Variants in SIM2 observed in about 807,000 individuals in gnomAD.
SIM2 encodes the protein SIM bHLH transcription factor 2.
A neutral mutation model predicts 64.8 loss-of-function variants in SIM2; 28 were observed. The ratio of observed to expected loss-of-function variants is 0.43; its 90% CI spans 0.32 to 0.59. The LOEUF is 0.59. Ranked by LOEUF, SIM2 falls within the 20% of genes least tolerant of loss-of-function variation. The pLI, the probability that SIM2 is intolerant of heterozygous loss-of-function variation, is 0.07. For missense variants in SIM2, 847 were observed against 871.4 expected (o/e 0.97, Z 0.35); for synonymous variants, 408 against 391.1 (o/e 1.04, Z -0.51).
intron 1 of SIM2, among the ~76,000 whole-genome samples, chr21:36,706,288 C>T (rs1819120550): frequency 6.6e-6 from 1 of 152,202 alleles, no homozygotes; most frequent in Non-Finnish European, 1.5e-5. Context: ...GCAACCTGGC[C>T]ATCCCTGACT....
intron 5 of SIM2, among the ~76,000 whole-genome samples, chr21:36,725,166 T>C (rs2088873414): frequency 6.6e-6 from 1 of 152,026 alleles, no homozygotes; most frequent in Admixed American, 6.6e-5. Context: ...GGCAACATAA[T>C]GAGACCTTGT....
Position 36,745,151 on chromosome 21 carries a change from C to T in SIM2, c.1576+15C>T. The T allele has an allele frequency of 6.2e-7, 1 of 1,601,788 alleles. No individual in the cohort carries two copies. On this transcript the variant is annotated intron_variant, in intron 10 of 10. Coordinates refer to ENST00000290399, the MANE Select transcript of SIM2 (RefSeq NM_005069.6). The surrounding 1 kb of genome is among the most constrained non-coding windows in gnomAD (Gnocchi z 4.8). Reference sequence around the variant, plus strand: ...AAGCTACGAAGGTGGGTCAGGTCTGCTCGTGGGGAAGGTGGGAGGACTGCG... The same window carrying T: ...AAGCTACGAAGGTGGGTCAGGTCTGTTCGTGGGGAAGGTGGGAGGACTGCG...
At chr21:36,733,413 C>A (rs574413788) in intron 7 of SIM2, among the ~76,000 whole-genome samples, 74 of 151,736 alleles carry the variant, frequency 4.9e-4, no homozygotes, top group African/African-American at 1.8e-3. Flanking sequence ...TTAATACAGA[C>A]AGGGTTTTGC....
intron 3 of SIM2, among the ~76,000 whole-genome samples, chr21:36,716,073 A>G (rs2088742876): frequency 6.6e-6 from 1 of 152,178 alleles, no homozygotes. Flanking sequence ...TGGTGGGCAC[A>G]CTCGCACACG....
At chr21:36,716,509 A>G (rs541628219) in intron 3 of SIM2, among the ~76,000 whole-genome samples, 1 of 152,232 alleles carries the variant, frequency 6.6e-6, no homozygotes, top group African/African-American at 2.4e-5. Flanking sequence ...AAGACAAAAG[A>G]CAACATAATT....
At chr21:36,733,609 G>C (rs561763328) in intron 7 of SIM2, among the ~76,000 whole-genome samples, 1 of 149,506 alleles carries the variant, frequency 6.7e-6, no homozygotes, top group Non-Finnish European at 1.5e-5. Flanking sequence ...ACCCAAGCTG[G>C]AGTGCAGTGG....
chr21:36,700,234 C>T (rs2088470810), intron 1 of SIM2, among the ~76,000 whole-genome samples: 1 of 151,848 alleles, frequency 6.6e-6, no homozygotes, highest in African/African-American at 2.4e-5. Flanking sequence ...TTCTTTCTCC[C>T]TTTCCTCCTT....
chr21:36,722,917 G>A (rs2088842869), intron 4 of SIM2, 128 bp from the exon 5 acceptor site: 16 of 734,964 alleles, frequency 2.2e-5, no homozygotes, highest in Admixed American at 3.8e-5. Flanking sequence ...TCTCTGAGCA[G>A]GGTCTGGGCA....
At chr21:36,714,096 C>A (rs1476773609) in intron 3 of SIM2, among the ~76,000 whole-genome samples, 1 of 152,206 alleles carries the variant, frequency 6.6e-6, no homozygotes. Flanking sequence ...GCAATGACCG[C>A]AATTACCTTT....
At chr21:36,732,474 G>C (rs933374039) in intron 7 of SIM2, among the ~76,000 whole-genome samples, 4 of 152,212 alleles carry the variant, frequency 2.6e-5, no homozygotes, top group African/African-American at 9.6e-5. Context: ...GGTGTGCTGG[G>C]CTCCGTGTGG....
chr21:36,723,892 C>T (rs956408664), intron 5 of SIM2, among the ~76,000 whole-genome samples: 28 of 152,222 alleles, frequency 1.8e-4, no homozygotes, highest in African/African-American at 2.7e-4. Context: ...GAGTGCCCCC[C>T]GCCAACACTT....
At chr21:36,720,483 A>G (rs2088810682) in intron 4 of SIM2, 1 of 153,546 alleles carries the variant, frequency 6.5e-6, no homozygotes, top group African/African-American at 2.4e-5. Context: ...AGGTTTAAAC[A>G]TATCGCTTAT....
Position 36,747,716 on chromosome 21 carries a change from T to A in SIM2, c.1628T>A (p.Phe543Tyr). ...RFGEDTAPPS[F>Y]PSCGHYREEP... ...GGCGAGGACACCGCGCCCCCGAGCT[T>A]CCCGAGCTGCGGCCACTACCGCGAG... Residue 543 changes from phenylalanine (F) to tyrosine (Y), a missense_variant, in exon 11 of 11, where the codon TTC becomes TAC. Physicochemically the swap from Phe to Tyr is conservative, Grantham distance 22. Coordinates refer to ENST00000290399, the MANE Select transcript of SIM2 (RefSeq NM_005069.6). The surrounding 1 kb of genome is among the most constrained non-coding windows in gnomAD (Gnocchi z 4.5). 1 of 1,275,306 alleles carries A rather than the reference T, an allele frequency of 7.8e-7. No individual in the cohort carries two copies. The highest frequency in any genetic ancestry group is 9.9e-7 in the Non-Finnish European group (1 of 1,008,892). The allele number at this position is 1,275,306 out of a possible 1,614,324, so 79.0% of individuals were successfully genotyped here. A position where few individuals can be genotyped will look rare whatever the true frequency, so the allele number is the denominator to read the frequency against.
At position 36,737,223 on chromosome 21, in the gene SIM2, C is replaced by A. The variant is rs550475145; in HGVS notation, c.851-4494C>A. On this transcript the variant is annotated intron_variant, in intron 7 of 10. Transcript: ENST00000290399. The stretch of plus-strand genomic sequence containing the variant: ...GGATTACAGGCATGAGCCACCATAC[C>A]CGGCCCCAGAACATTCTGTAAAGAA... Among the ~76,000 whole-genome samples the A allele has an allele frequency of 7.2e-5, 11 of 152,320 alleles. No individual in the cohort carries two copies. The East Asian group carries it at 1.2e-3, about 16-fold the overall frequency.
intron 7 of SIM2, among the ~76,000 whole-genome samples, chr21:36,736,701 C>T (rs1367092127): frequency 6.6e-6 from 1 of 151,412 alleles, no homozygotes; most frequent in Non-Finnish European, 1.5e-5. Context: ...CACAATATTC[C>T]CCAGAACTAA....
chr21:36,741,773 G>T lies in SIM2; in HGVS notation c.907G>T (p.Gly303Cys). The T allele has an allele frequency of 6.2e-7, 1 of 1,613,142 alleles. No homozygotes were observed. Among genetic ancestry groups the T allele is most frequent in the South Asian group, 1.1e-5 (1 of 90,902 alleles). ...CTACCGGCTGCTGTCCAAGCGGGGC[G>T]GCTGGGTGTGGGTGCAGAGCTACGC... ...KYYRLLSKRG[G>C]WVWVQSYATV... The change falls in exon 8 of 11, where the codon GGC becomes TGC. Residue 303 changes from glycine (G) to cysteine (C), a missense_variant. Gly to Cys is a radical substitution (Grantham distance 159). Coordinates refer to ENST00000290399, the MANE Select transcript of SIM2 (RefSeq NM_005069.6).
chr21:36,720,233 A>G (rs2088807067), intron 4 of SIM2: 1 of 336,888 alleles, frequency 3.0e-6, no homozygotes, highest in Non-Finnish European at 5.6e-6. Flanking sequence ...TCCAGGGATT[A>G]CAGCATCACG....
At chr21:36,739,024 C>T (rs1318260816) in intron 7 of SIM2, among the ~76,000 whole-genome samples, 2 of 152,206 alleles carry the variant, frequency 1.3e-5, no homozygotes. Flanking sequence ...TGCCTCCCAA[C>T]CCCCACAATC....
At chr21:36,731,334 C>G (rs1186831235) in intron 7 of SIM2, among the ~76,000 whole-genome samples, 183 bp downstream of exon 7, 1 of 150,998 alleles carries the variant, frequency 6.6e-6, no homozygotes, top group Non-Finnish European at 1.5e-5. Flanking sequence ...GTTGTCGGTT[C>G]TCAAGCAGCC....
Sources: allele counts gnomAD v4.1 joint callset (sites outside exome capture counted in the v4.1 genomes callset), GRCh38; gene constraint gnomAD v4.1.1; non-coding constraint Gnocchi (gnomAD v3.1); transcripts MANE v1.5; gene names NCBI Gene and HGNC (gene_info 2026-07-23, HGNC 2026-07-21).